DYM: variants seen among roughly 807,000 people sequenced by gnomAD.
The protein encoded by DYM is dymeclin.
DYM carries 78 observed loss-of-function variants against 93.1 expected under a neutral mutation model. The ratio of observed to expected loss-of-function variants is 0.84; its 90% confidence interval spans 0.70 to 1.01. The LOEUF is 1.01. DYM is among the 50% of genes least tolerant of loss of function. The pLI, the probability that DYM is intolerant of heterozygous loss-of-function variation, is 0.00. For missense variants in DYM, 789 were observed against 845.0 expected, an observed-to-expected ratio of 0.93 and a Z score of 0.82; for synonymous variants, 321 against 319.7, an observed-to-expected ratio of 1.00 and a Z score of -0.04.
chr18:49,375,149 A>T (rs563516894), intron 5 of DYM, among the ~76,000 whole-genome samples: 2 of 151,210 alleles, frequency 1.3e-5, no homozygotes, highest in Non-Finnish European at 2.9e-5. Context: ...GGCAGCCCCT[A>T]AACACCTGGG....
At chr18:49,256,939 AACC>A (rs1339449676) in intron 13 of DYM, 68 bp downstream of exon 13, 4 of 1,296,786 alleles carry the variant, frequency 3.1e-6, no homozygotes, top group Non-Finnish European at 3.3e-6. Context: ...TTTAAAAAGG[AACC>A]ACCATAGTAT....
chr18:49,370,851 T>G (rs2066972608), intron 5 of DYM, among the ~76,000 whole-genome samples: 1 of 152,228 alleles, frequency 6.6e-6, no homozygotes, highest in South Asian at 2.1e-4. Flanking sequence ...ATCTAGTTCT[T>G]GGCTAAAATA....
intron 15 of DYM, among the ~76,000 whole-genome samples, chr18:49,139,479 A>G (rs2084218357): frequency 6.6e-6 from 1 of 152,200 alleles, no homozygotes; most frequent in Admixed American, 6.5e-5. Flanking sequence ...AACTGTGAAA[A>G]TATCCATTTT....
intron 17 of DYM, among the ~76,000 whole-genome samples, chr18:49,078,792 A>G (rs2077533272): frequency 6.6e-6 from 1 of 152,198 alleles, no homozygotes; most frequent in Non-Finnish European, 1.5e-5. Context: ...TTACTTAGAT[A>G]TTTACTACTT....
intron 3 of DYM, among the ~76,000 whole-genome samples, chr18:49,389,405 G>A (rs1245949858): frequency 6.6e-6 from 1 of 152,054 alleles, no homozygotes; most frequent in Non-Finnish European, 1.5e-5. Flanking sequence ...TATCAACAAT[G>A]CCTATGTCAG....
At chr18:49,307,081 G>A (rs373588073) in intron 8 of DYM, among the ~76,000 whole-genome samples, 2 of 151,844 alleles carry the variant, frequency 1.3e-5, no homozygotes, top group African/African-American at 4.8e-5. Context: ...TGCTTGTTAT[G>A]AAGTTCTGAT....
At chr18:49,313,829 C>T (rs1315880039) in intron 8 of DYM, among the ~76,000 whole-genome samples, 1 of 152,098 alleles carries the variant, frequency 6.6e-6, no homozygotes, top group Non-Finnish European at 1.5e-5. Context: ...GATGAGGAAA[C>T]CCCTGACCCA....
intron 17 of DYM, among the ~76,000 whole-genome samples, chr18:49,047,285 C>T (rs958466465): frequency 3.3e-5 from 5 of 152,224 alleles, no homozygotes; most frequent in African/African-American, 4.8e-5. Context: ...GAAACCTGTG[C>T]CTTTTCAGAC....
intron 14 of DYM, among the ~76,000 whole-genome samples, chr18:49,179,163 T>G (rs564034665): frequency 6.6e-6 from 1 of 152,232 alleles, no homozygotes; most frequent in East Asian, 1.9e-4. Flanking sequence ...CCCAATCCAG[T>G]GCTCTTTCCA....
intron 16 of DYM, among the ~76,000 whole-genome samples, chr18:49,107,915 C>G (rs1011266011): frequency 4.6e-5 from 7 of 152,194 alleles, no homozygotes; most frequent in South Asian, 4.1e-4. Context: ...CTGGGAGAAC[C>G]ACTACTCTCT....
rs77902026 is a variant in DYM, at chr18:49,227,124, A to C, written c.1461-17409T>G. On this transcript the variant is annotated intron_variant, in intron 13 of 17. Transcript: ENST00000675505. Reference sequence around the variant, plus strand: ...CACAAATAAACAGGTATAAAATAGCACATTCAGCACATTTTATGATCATCA... The same window carrying C: ...CACAAATAAACAGGTATAAAATAGCCCATTCAGCACATTTTATGATCATCA... 2.1e-3 allele frequency among the ~76,000 whole-genome samples: 325 copies of C among 152,302 alleles called. 2 individuals are homozygous for C. The highest frequency in any genetic ancestry group is 7.5e-3 in the African/African-American group (310 of 41,572).
chr18:49,056,645 C>G (rs1483310767), intron 17 of DYM, among the ~76,000 whole-genome samples: 2 of 152,064 alleles, frequency 1.3e-5, no homozygotes, highest in Non-Finnish European at 2.9e-5. Flanking sequence ...TCAAGCGATC[C>G]TCCCACTTTA....
intron 16 of DYM, among the ~76,000 whole-genome samples, chr18:49,111,586 G>A (rs868731109): frequency 1.3e-5 from 2 of 152,222 alleles, no homozygotes; most frequent in African/African-American, 2.4e-5. Context: ...TGCTGTTGCT[G>A]TGGCTACCTT....
chr18:49,194,477 C>A (rs539056989), intron 14 of DYM, among the ~76,000 whole-genome samples: 1 of 152,164 alleles, frequency 6.6e-6, no homozygotes. Flanking sequence ...TCGTTCTTTC[C>A]TAAGGTCCTA....
chr18:49,148,186 C>T (rs1488153821), intron 15 of DYM, among the ~76,000 whole-genome samples: 1 of 151,926 alleles, frequency 6.6e-6, no homozygotes, highest in Non-Finnish European at 1.5e-5. Context: ...CACACCGGGG[C>T]CTGTTGTTGG....
intron 5 of DYM, among the ~76,000 whole-genome samples, chr18:49,363,795 A>G (rs2066269657): frequency 6.6e-6 from 1 of 152,192 alleles, no homozygotes; most frequent in South Asian, 2.1e-4. Flanking sequence ...GGGCTTTCCC[A>G]AGTCACAGAA....
intron 6 of DYM, among the ~76,000 whole-genome samples, chr18:49,361,957 C>T (rs1032612439): frequency 6.6e-6 from 1 of 152,052 alleles, no homozygotes; most frequent in African/African-American, 2.4e-5. Context: ...AACTCCTGAC[C>T]TCATGAACTG....
intron 2 of DYM, among the ~76,000 whole-genome samples, chr18:49,413,538 G>C (rs75720178): frequency 1.7e-3 from 252 of 152,204 alleles, no homozygotes; most frequent in African/African-American, 5.9e-3. Flanking sequence ...ATCCCTGAAA[G>C]AAAAGTCAAA....
Position 49,272,047 on chromosome 18 carries a change from A to T in DYM, c.1251+131T>A, listed in dbSNP as rs476044. 113,580 of 695,216 alleles carry T rather than the reference A, an allele frequency of 0.16. 13,013 individuals are homozygous for T. Among genetic ancestry groups the T allele is most frequent in the Admixed American group, 0.35 (11,589 of 33,574 alleles). 43.1% of individuals were successfully genotyped at this position (695,216 alleles called of 1,614,324 possible). A position where few individuals can be genotyped will look rare whatever the true frequency, so the allele number is the denominator to read the frequency against. ...AAGCACCGCTTCATAAATCTGAAGA[A>T]AGACATAACATTTCTAATACAGGTT... On this transcript the variant is annotated intron_variant, in intron 11 of 17. Coordinates refer to ENST00000675505, the MANE Select transcript of DYM (RefSeq NM_001353214.3).
Sources: gnomAD v4.1 joint callset for allele counts (sites outside exome capture counted in the v4.1 genomes callset) on GRCh38, gnomAD v4.1.1 for gene constraint, MANE v1.5 for transcripts, NCBI Gene and HGNC (gene_info 2026-07-23, HGNC 2026-07-21) for gene names.